Variants in GRM8 observed in about 807,000 individuals in gnomAD.
GRM8 encodes glutamate metabotropic receptor 8, also known as metabotropic glutamate receptor 8.
GRM8 carries 47 observed loss-of-function variants against 87.2 expected under a neutral mutation model. That is an observed-to-expected ratio of 0.54 (90% CI 0.43 to 0.69). The LOEUF is 0.69. GRM8 is among the 30% of genes least tolerant of loss of function. The pLI is 0.00. For synonymous variants in GRM8, 396 were observed against 404.5 expected (o/e 0.98, Z 0.25); for missense variants, 1,019 against 1,139.2 (o/e 0.89, Z 1.52).
chr7:126,822,898 G>A (rs1794432867), intron 6 of GRM8, among the ~76,000 whole-genome samples: 1 of 152,138 alleles, frequency 6.6e-6, no homozygotes, highest in Non-Finnish European at 1.5e-5. Context: ...ACACATTTCT[G>A]TCTCCTAGTC....
intron 3 of GRM8, among the ~76,000 whole-genome samples, chr7:127,015,713 C>A (rs1233958865): frequency 6.6e-6 from 1 of 151,996 alleles, no homozygotes; most frequent in Non-Finnish European, 1.5e-5. Flanking sequence ...AATACCTGAG[C>A]TTTACCAGCA....
intron 6 of GRM8, among the ~76,000 whole-genome samples, chr7:126,861,822 A>G (rs1798163059): frequency 6.6e-6 from 1 of 151,894 alleles, no homozygotes; most frequent in South Asian, 2.1e-4. Flanking sequence ...TTGTTTTGTT[A>G]TATAAAAAGA....
At chr7:126,945,933 T>C (rs949916795) in intron 3 of GRM8, among the ~76,000 whole-genome samples, 13 of 152,210 alleles carry the variant, frequency 8.5e-5, no homozygotes, top group African/African-American at 2.4e-5. Context: ...TTCCCTTTAC[T>C]CTGCCTAATT....
At chr7:126,951,693 T>TAGAATCAAACAA (rs906339975) in intron 3 of GRM8, among the ~76,000 whole-genome samples, 2 of 152,046 alleles carry the variant, frequency 1.3e-5, no homozygotes, top group Non-Finnish European at 2.9e-5. Context: ...ATGTGTTCAC[T>TAGAATCAAACAA]AGAATCAAAC....
At chr7:126,723,632 A>G (rs1812668590) in intron 7 of GRM8, among the ~76,000 whole-genome samples, 1 of 152,184 alleles carries the variant, frequency 6.6e-6, no homozygotes, top group Non-Finnish European at 1.5e-5. Flanking sequence ...GTTCTTGTTA[A>G]CAGCAATACT....
chr7:127,031,690 T>C (rs1237551561), intron 3 of GRM8, among the ~76,000 whole-genome samples: 4 of 152,162 alleles, frequency 2.6e-5, no homozygotes, highest in Non-Finnish European at 5.9e-5. Flanking sequence ...ATTTTCTTCA[T>C]AAAAAAATCA....
intron 2 of GRM8, among the ~76,000 whole-genome samples, chr7:127,216,411 G>A (rs1466106861): frequency 2.0e-5 from 3 of 150,838 alleles, no homozygotes; most frequent in Non-Finnish European, 4.4e-5. Flanking sequence ...CCAGCTACTT[G>A]GGAAGCTGAG....
intron 6 of GRM8, among the ~76,000 whole-genome samples, chr7:126,844,330 TCTGTATTTTTAAC>T (rs1331295680): frequency 6.6e-6 from 1 of 152,160 alleles, no homozygotes; most frequent in Non-Finnish European, 1.5e-5. Context: ...GGTCCAAGAA[TCTGTATTTTTAAC>T]AAGCATTCTG....
At chr7:126,516,844 G>GA (rs1248822744) in intron 9 of GRM8, among the ~76,000 whole-genome samples, 5 of 151,868 alleles carry the variant, frequency 3.3e-5, no homozygotes, top group Admixed American at 6.6e-5. Context: ...TTTTGCTCCA[G>GA]AAAATAAATT....
At chr7:126,480,257 C>G (rs866916535) in intron 9 of GRM8, among the ~76,000 whole-genome samples, 2 of 151,946 alleles carry the variant, frequency 1.3e-5, no homozygotes, top group African/African-American at 2.4e-5. Context: ...TGGGGGCGCA[C>G]GCCTGTAGTC....
intron 8 of GRM8, among the ~76,000 whole-genome samples, chr7:126,602,248 T>C (rs963577425): frequency 2.7e-5 from 4 of 145,910 alleles, no homozygotes; most frequent in African/African-American, 7.5e-5. Flanking sequence ...GTTGTAGGTA[T>C]GCGGCATTAT....
intron 6 of GRM8, among the ~76,000 whole-genome samples, chr7:126,792,090 A>T (rs1208794545): frequency 6.6e-6 from 1 of 152,198 alleles, no homozygotes; most frequent in Non-Finnish European, 1.5e-5. Context: ...TTATCCCAGT[A>T]CCTGGAGAGC....
intron 7 of GRM8, among the ~76,000 whole-genome samples, chr7:126,703,136 C>A (rs1357840383): frequency 6.6e-6 from 1 of 152,032 alleles, no homozygotes; most frequent in East Asian, 1.9e-4. Flanking sequence ...CAGGCATGAT[C>A]TAGTTTTAAG....
At chr7:127,073,504 T>C (rs1326214177) in intron 3 of GRM8, among the ~76,000 whole-genome samples, 3 of 152,168 alleles carry the variant, frequency 2.0e-5, no homozygotes, top group Non-Finnish European at 4.4e-5. Context: ...ACAGGCTCTG[T>C]TCTCTGCATC....
At chr7:126,598,591 C>T (rs987267902) in intron 8 of GRM8, among the ~76,000 whole-genome samples, 43 of 151,548 alleles carry the variant, frequency 2.8e-4, no homozygotes, top group Admixed American at 5.3e-4. Context: ...TAAGGCCTTT[C>T]GAAATATTTT....
chr7:126,983,888 T>G (rs561713131), intron 3 of GRM8, among the ~76,000 whole-genome samples: 1 of 152,056 alleles, frequency 6.6e-6, no homozygotes, highest in Admixed American at 6.5e-5. Flanking sequence ...AGGAGAAGAG[T>G]GTAGTCATCA....
intron 3 of GRM8, among the ~76,000 whole-genome samples, chr7:127,094,495 C>T (rs1338043046): frequency 6.6e-6 from 1 of 152,170 alleles, no homozygotes; most frequent in East Asian, 1.9e-4. Context: ...GGGGAGATGC[C>T]ATGTAAAGAG....
intron 3 of GRM8, among the ~76,000 whole-genome samples, chr7:127,085,140 A>C (rs1474457831): frequency 6.6e-6 from 1 of 151,960 alleles, no homozygotes; most frequent in Non-Finnish European, 1.5e-5. Context: ...AAGGACATGA[A>C]CTCATCCTTT....
intron 9 of GRM8, among the ~76,000 whole-genome samples, chr7:126,522,887 C>T (rs1813207879): frequency 6.6e-6 from 1 of 152,152 alleles, no homozygotes; most frequent in South Asian, 2.1e-4. Flanking sequence ...GTATTATCCC[C>T]CTGACTTGAC....
Sources: allele counts gnomAD v4.1 joint callset (sites outside exome capture counted in the v4.1 genomes callset), GRCh38; gene constraint gnomAD v4.1.1; transcripts MANE v1.5; gene names NCBI Gene and HGNC (gene_info 2026-07-23, HGNC 2026-07-21).